The following GLRA3 variants were observed in gnomAD, a reference collection of about 807,000 sequenced individuals.
The protein encoded by GLRA3 is glycine receptor subunit alpha-3.
In GLRA3, 44 loss-of-function variants were observed where a neutral mutation model predicts 60.4. The observed-to-expected ratio is 0.73, with a 90% CI of 0.57 to 0.94. The LOEUF is 0.94. GLRA3 is among the 40% of genes least tolerant of loss of function. The pLI is 0.00. For synonymous variants in GLRA3, 223 were observed against 192.9 expected (o/e 1.16, Z -1.29); for missense variants, 508 against 564.6 (o/e 0.90, Z 1.02).
At chr4:174,718,428 G>A (rs1176594963) in intron 4 of GLRA3, among the ~76,000 whole-genome samples, 1 of 152,122 alleles carries the variant, frequency 6.6e-6, no homozygotes, top group Admixed American at 6.5e-5. Context: ...AGAAGTCTTG[G>A]GAAAGACTTT....
intron 1 of GLRA3, among the ~76,000 whole-genome samples, chr4:174,825,972 A>G (rs1578947660): frequency 6.6e-6 from 1 of 152,308 alleles, no homozygotes; most frequent in African/African-American, 2.4e-5. Flanking sequence ...CATTACTGAT[A>G]TAAGTGTAAA....
rs540023110 is a variant in GLRA3 at position 174,678,739 on chromosome 4, A to G, written c.713-1447T>C. Among the ~76,000 whole-genome samples the G allele has an allele frequency of 1.2e-3, 180 of 152,364 alleles. 1 individual carries two copies. The highest frequency in any genetic ancestry group is 2.0e-3 in the Non-Finnish European group (137 of 68,034). ...TATTGATTTATCAAATATATACAAAATGCCTAAAGATTCCTGAAATATATG... is the reference window on the plus strand; with the variant it reads ...TATTGATTTATCAAATATATACAAAGTGCCTAAAGATTCCTGAAATATATG... On this transcript the variant is annotated intron_variant, in intron 6 of 9. Coordinates refer to ENST00000274093, the MANE Select transcript of GLRA3 (RefSeq NM_006529.4).
intron 2 of GLRA3, among the ~76,000 whole-genome samples, chr4:174,772,941 C>T (rs1738449533): frequency 6.6e-6 from 1 of 152,166 alleles, no homozygotes; most frequent in Non-Finnish European, 1.5e-5. Flanking sequence ...AAAGGTATCA[C>T]GTTCTACCCC....
chr4:174,722,004 T>C (rs966481070), intron 4 of GLRA3, among the ~76,000 whole-genome samples: 1 of 152,058 alleles, frequency 6.6e-6, no homozygotes, highest in African/African-American at 2.4e-5. Flanking sequence ...TGGACAGCCA[T>C]ATTGCCTATA....
chr4:174,666,745 T>G (rs868112856), intron 7 of GLRA3, among the ~76,000 whole-genome samples: 1 of 83,580 alleles, frequency 1.2e-5, no homozygotes, highest in Non-Finnish European at 2.1e-5. Context: ...TAAGAATATA[T>G]ATATATATAT....
chr4:174,722,327 A>C (rs2111115493), intron 4 of GLRA3, among the ~76,000 whole-genome samples: 1 of 152,298 alleles, frequency 6.6e-6, no homozygotes, highest in South Asian at 2.1e-4. Flanking sequence ...AGTGCATGGG[A>C]AGGAAATCAG....
At chr4:174,718,552 A>T (rs1736009054) in intron 4 of GLRA3, among the ~76,000 whole-genome samples, 1 of 152,196 alleles carries the variant, frequency 6.6e-6, no homozygotes, top group African/African-American at 2.4e-5. Context: ...GCATTGTTTC[A>T]TGTGTCTATC....
chr4:174,667,983 G>C (rs899537735), intron 7 of GLRA3, among the ~76,000 whole-genome samples: 3 of 152,180 alleles, frequency 2.0e-5, no homozygotes, highest in Admixed American at 6.5e-5. Flanking sequence ...TCGTGGGGTT[G>C]GTTTCTAATG....
chr4:174,717,668 A>C (rs1735977143), intron 4 of GLRA3, among the ~76,000 whole-genome samples: 1 of 152,208 alleles, frequency 6.6e-6, no homozygotes, highest in South Asian at 2.1e-4. Context: ...AGAATAATTC[A>C]TGGAGTTCAA....
intron 1 of GLRA3, among the ~76,000 whole-genome samples, chr4:174,789,900 C>G (rs1739257777): frequency 6.6e-6 from 1 of 152,130 alleles, no homozygotes; most frequent in South Asian, 2.1e-4. Flanking sequence ...AGGACATTGC[C>G]AAATCAAACC....
chr4:174,705,355 A>T lies in GLRA3; in HGVS notation c.574+10133T>A, dbSNP rs1436980115. ...TTTCCAGCCTCCAGAACTGTGAGCC[A>T]ATACATTTCTATCCATTAAAAATGA... On this transcript the variant is annotated intron_variant, in intron 5 of 9. Coordinates refer to ENST00000274093, the MANE Select transcript of GLRA3 (RefSeq NM_006529.4). Among the ~76,000 whole-genome samples, 4 of 144,396 alleles carry T rather than the reference A, an allele frequency of 2.8e-5. 1 individual carries two copies. The allele number at this position is 144,396 out of a possible 152,430, so 94.7% of individuals were successfully genotyped here. A position where few individuals can be genotyped will look rare whatever the true frequency, so the allele number is the denominator to read the frequency against.
At chr4:174,828,667 A>C (rs1490164582) in intron 1 of GLRA3, 74 bp downstream of exon 1, 1 of 885,896 alleles carries the variant, frequency 1.1e-6, no homozygotes, top group East Asian at 2.4e-5. Context: ...TCCCGGTCTC[A>C]TCAATAACAA....
At chr4:174,728,359 G>A in intron 4 of GLRA3, 116 bp downstream of exon 4, 1 of 617,634 alleles carries the variant, frequency 1.6e-6, no homozygotes, top group South Asian at 2.0e-5. Context: ...AGGAACTGAA[G>A]TGCAACAATG....
intron 5 of GLRA3, among the ~76,000 whole-genome samples, chr4:174,701,849 T>C (rs1735334458): frequency 6.6e-6 from 1 of 152,190 alleles, no homozygotes; most frequent in South Asian, 2.1e-4. Context: ...TGTCACCAAA[T>C]TGCTACAATC....
chr4:174,773,311 A>AT (rs1458008997), intron 2 of GLRA3, among the ~76,000 whole-genome samples: 4 of 92,712 alleles, frequency 4.3e-5, no homozygotes, highest in African/African-American at 1.1e-4. Flanking sequence ...TTTCGTTTAG[A>AT]TGTTTTTTTT....
At chr4:174,707,837 G>A (rs550436555) in intron 5 of GLRA3, among the ~76,000 whole-genome samples, 143 of 152,242 alleles carry the variant, frequency 9.4e-4, no homozygotes, top group Non-Finnish European at 1.6e-3. Context: ...TTCACTTCTC[G>A]AAGCATAATT....
At chr4:174,725,576 G>A (rs1046521040) in intron 4 of GLRA3, among the ~76,000 whole-genome samples, 2 of 152,224 alleles carry the variant, frequency 1.3e-5, no homozygotes, top group South Asian at 2.1e-4. Flanking sequence ...TGCCTCTTAG[G>A]CTCAAGAGAT....
intron 8 of GLRA3, among the ~76,000 whole-genome samples, chr4:174,657,771 C>T (rs1733268738): frequency 6.6e-6 from 1 of 152,058 alleles, no homozygotes; most frequent in African/African-American, 2.4e-5. Flanking sequence ...CTCCCCATCA[C>T]AATATGTTTC....
rs572229246 is a variant in GLRA3 at position 174,798,986 on chromosome 4, A to G, written c.72-10043T>C. ...GAGACAGAGAAATAGCTAAAACTTGATGGGCTACTAGGATCTTGATTCTTG... is the reference window on the plus strand; with the variant it reads ...GAGACAGAGAAATAGCTAAAACTTGGTGGGCTACTAGGATCTTGATTCTTG... On this transcript the variant is annotated intron_variant, in intron 1 of 9. Transcript: ENST00000274093. Among the ~76,000 whole-genome samples the G allele has an allele frequency of 3.3e-5, 5 of 152,234 alleles. No individual in the cohort carries two copies. The South Asian group carries it at 6.2e-4, about 19-fold the overall frequency.
Sources: gnomAD v4.1 joint callset for allele counts (sites outside exome capture counted in the v4.1 genomes callset) on GRCh38, gnomAD v4.1.1 for gene constraint, MANE v1.5 for transcripts, NCBI Gene and HGNC (gene_info 2026-07-23, HGNC 2026-07-21) for gene names.